Variants in SPTY2D1 observed in about 807,000 individuals in gnomAD.
SPTY2D1 encodes the protein SPT2 chromatin protein domain containing 1, also known as protein SPT2 homolog.
In SPTY2D1, 21 loss-of-function variants were observed where a neutral mutation model predicts 64.0. That is an observed-to-expected ratio of 0.33 (90% CI 0.23 to 0.47). The LOEUF is 0.47. SPTY2D1 is among the 20% of genes least tolerant of loss of function. The pLI, the probability that SPTY2D1 is intolerant of heterozygous loss-of-function variation, is 1.00. For synonymous variants in SPTY2D1, 287 were observed against 286.8 expected (o/e 1.00, Z -0.01); for missense variants, 724 against 837.2 (o/e 0.86, Z 1.67).
chr11:18,631,556 A>AG (rs1319338410), intron 1 of SPTY2D1, among the ~76,000 whole-genome samples: 16 of 151,472 alleles, frequency 1.1e-4, no homozygotes, highest in Non-Finnish European at 2.2e-4. Context: ...CCATCTCAAA[A>AG]AAAAGAAAAG....
Position 18,615,295 on chromosome 11 carries a change from T to C in SPTY2D1, c.979A>G (p.Thr327Ala). The C allele has an allele frequency of 6.2e-7, 1 of 1,614,150 alleles. No individual in the cohort carries two copies. The highest frequency in any genetic ancestry group is 1.1e-5 in the South Asian group (1 of 91,084). ...GATTTCTGAGTCCTGCTAGCAGAAG[T>C]CTTTGGGACACTTGGTGAAGAGGTG... is the stretch of plus-strand genomic sequence containing the variant. Reference protein sequence around the residue: ...SSTSSPSVPKTSASRTQKSAV... With the variant: ...SSTSSPSVPKASASRTQKSAV... Residue 327 changes from threonine to alanine, a missense_variant, in exon 3 of 6, where the codon ACT becomes GCT. Thr to Ala is a moderately conservative substitution (Grantham distance 58). Coordinates refer to ENST00000336349, the MANE Select transcript of SPTY2D1 (RefSeq NM_194285.3).
At chr11:18,621,813 A>G (rs377143575) in intron 1 of SPTY2D1, among the ~76,000 whole-genome samples, 203 of 152,208 alleles carry the variant, frequency 1.3e-3, no homozygotes, top group African/African-American at 4.7e-3. Flanking sequence ...CAGGTCAGGC[A>G]TAGTGGCTCA....
chr11:18,610,211 T>C (rs1391149557), intron 5 of SPTY2D1: 1 of 361,850 alleles, frequency 2.8e-6, no homozygotes, highest in Non-Finnish European at 4.9e-6. Flanking sequence ...TATAGGTTTA[T>C]CTCAATAGCT....
chr11:18,634,143 A>C, intron 1 of SPTY2D1, 55 bp downstream of exon 1: 1 of 1,604,450 alleles, frequency 6.2e-7, no homozygotes. Context: ...GGCCACACAC[A>C]TTCCGAACTT....
At chr11:18,634,064 G>C in intron 1 of SPTY2D1, 134 bp downstream of exon 1, 1 of 972,990 alleles carries the variant, frequency 1.0e-6, no homozygotes, top group South Asian at 1.5e-5. Flanking sequence ...ATAAACCCAA[G>C]AAAAGGAAAT....
intron 1 of SPTY2D1, among the ~76,000 whole-genome samples, chr11:18,633,522 C>T (rs1457295359): frequency 6.6e-6 from 1 of 152,202 alleles, no homozygotes; most frequent in Non-Finnish European, 1.5e-5. Flanking sequence ...CATCTACTGA[C>T]CAAATGGGAC....
At chr11:18,611,215 G>C (rs1309192302) in intron 5 of SPTY2D1, among the ~76,000 whole-genome samples, 2 of 152,198 alleles carry the variant, frequency 1.3e-5, no homozygotes, top group African/African-American at 4.8e-5. Context: ...GGCTGAGATG[G>C]GAGGATCACT....
intron 1 of SPTY2D1, among the ~76,000 whole-genome samples, chr11:18,624,953 C>T (rs762797563): frequency 2.0e-5 from 3 of 152,084 alleles, no homozygotes; most frequent in South Asian, 2.1e-4. Context: ...CCGCCAAGAT[C>T]GCGCCATTGC....
intron 3 of SPTY2D1, among the ~76,000 whole-genome samples, chr11:18,614,229 T>C (rs1018868455): frequency 1.3e-5 from 2 of 152,098 alleles, no homozygotes; most frequent in African/African-American, 4.8e-5. Flanking sequence ...TAGAAACTAG[T>C]ATAGGCAACA....
Position 18,614,771 on chromosome 11 carries a change from T to G in SPTY2D1, c.1503A>C (p.Pro501=), listed in dbSNP as rs752514443. 6.2e-7 allele frequency: 1 copy of G among 1,612,900 alleles called. No homozygotes were observed. Among genetic ancestry groups the G allele is most frequent in the Admixed American group, 1.7e-5 (1 of 59,962 alleles). The part of the protein sequence containing the change: ...GPGRSISGSI[P]AGRTVSNSVP... ...CTGAATTACTGACAGTCCGTCCAGC[T>G]GGAATTGAGCCACTTATGGATCTCC... The change falls in exon 3 of 6, where the codon CCA becomes CCC. Residue 501 remains proline (P), a synonymous_variant. Transcript: ENST00000336349.
intron 5 of SPTY2D1, among the ~76,000 whole-genome samples, chr11:18,610,667 T>TAAAAAAAAAAAAAAAAAAAAA (rs58363516): frequency 2.1e-5 from 2 of 96,728 alleles, no homozygotes; most frequent in African/African-American, 7.4e-5. Flanking sequence ...CCCTGTCTCT[T>TAAAAAAAAAAAAAAAAAAAAA]AAAAAAAAAA....
chr11:18,618,218 A>C (rs1316035357), intron 1 of SPTY2D1, among the ~76,000 whole-genome samples: 1 of 152,194 alleles, frequency 6.6e-6, no homozygotes, highest in African/African-American at 2.4e-5. Flanking sequence ...AAAGCATTTC[A>C]AAAAATCTAT....
Position 18,611,650 on chromosome 11 carries a change from CTA to C in SPTY2D1, c.1887-98_1887-97del. Reference sequence around the variant, plus strand: ...TAAAAAATCAATATCTCCTTTAAAACTAAATCAAGCACACATTTAGAATTATT... The same window carrying C: ...TAAAAAATCAATATCTCCTTTAAAACAATCAAGCACACATTTAGAATTATT... On this transcript the variant is annotated intron_variant, in intron 4 of 5. Transcript: ENST00000336349. 7 of 966,166 alleles carry C rather than the reference CTA, an allele frequency of 7.2e-6. 1 individual carries two copies. The highest frequency in any genetic ancestry group is 1.1e-5 in the Non-Finnish European group (7 of 624,536). The allele number at this position is 966,166 out of a possible 1,614,324, so 59.8% of individuals were successfully genotyped here.
intron 1 of SPTY2D1, among the ~76,000 whole-genome samples, chr11:18,624,069 C>A (rs58883000): frequency 6.6e-6 from 1 of 152,152 alleles, no homozygotes; most frequent in East Asian, 1.9e-4. Context: ...GACCACAGAT[C>A]TTTTTCTCAT....
intron 5 of SPTY2D1, 36 bp downstream of exon 5, chr11:18,611,441 A>C (rs1006956078): frequency 1.3e-5 from 21 of 1,589,312 alleles, no homozygotes; most frequent in African/African-American, 2.7e-5. Context: ...AATTTTTAGG[A>C]CATTTTTGCA....
chr11:18,612,617 G>C lies in SPTY2D1; in HGVS notation c.1712-129C>G. 1 of 705,756 alleles carries C rather than the reference G, an allele frequency of 1.4e-6. No homozygotes were observed. Among genetic ancestry groups the C allele is most frequent in the Non-Finnish European group, 2.1e-6 (1 of 472,326 alleles). 43.7% of individuals were successfully genotyped at this position (705,756 alleles called of 1,614,324 possible). On this transcript the variant is annotated intron_variant, in intron 3 of 5. Coordinates refer to ENST00000336349, the MANE Select transcript of SPTY2D1 (RefSeq NM_194285.3). This position sits in a 1 kb window ranked among gnomAD's most constrained non-coding sequence, Gnocchi z 4.6. ...ACCAGAGCAAGCAGGCTGGCCCTTA[G>C]CGCAGAGCCATCATCCTTGCTGTGT...
chr11:18,626,605 T>C (rs1460080412), intron 1 of SPTY2D1, among the ~76,000 whole-genome samples: 2 of 152,198 alleles, frequency 1.3e-5, no homozygotes, highest in African/African-American at 4.8e-5. Flanking sequence ...TGGATTAGAT[T>C]CTCTGCTCTA....
chr11:18,629,842 T>C (rs529749731), intron 1 of SPTY2D1, among the ~76,000 whole-genome samples: 1 of 152,190 alleles, frequency 6.6e-6, no homozygotes, highest in African/African-American at 2.4e-5. Context: ...GAAATACTCA[T>C]AGCTTCTCAA....
chr11:18,622,360 A>G (rs967545988), intron 1 of SPTY2D1, among the ~76,000 whole-genome samples: 2 of 151,790 alleles, frequency 1.3e-5, no homozygotes, highest in Non-Finnish European at 2.9e-5. Context: ...TGAGACCCCC[A>G]TCTCTACAAA....
Sources: gnomAD v4.1 joint callset for allele counts (sites outside exome capture counted in the v4.1 genomes callset) on GRCh38, gnomAD v4.1.1 for gene constraint, Gnocchi (gnomAD v3.1) non-coding constraint, MANE v1.5 for transcripts, NCBI Gene and HGNC (gene_info 2026-07-23, HGNC 2026-07-21) for gene names.